Variants in FBXO34 observed in about 807,000 individuals in gnomAD.
The protein encoded by FBXO34 is F-box protein 34, also known as F-box only protein 34.
FBXO34 carries 12 observed loss-of-function variants against 24.5 expected under a neutral mutation model. The observed-to-expected ratio is 0.49, with a 90% CI of 0.31 to 0.79. The LOEUF (loss-of-function observed/expected upper bound fraction) is 0.79. Ranked by LOEUF, FBXO34 falls within the 30% of genes least tolerant of loss-of-function variation. The pLI is 0.04. For synonymous variants in FBXO34, 320 were observed against 311.9 expected, an observed-to-expected ratio of 1.03 and a Z score of -0.27; for missense variants, 823 against 857.7, an observed-to-expected ratio of 0.96 and a Z score of 0.51.
At chr14:55,381,741 G>A in the FBXO34 span, among the ~76,000 whole-genome samples, 1 of 152,148 alleles carries the variant, frequency 6.6e-6, no homozygotes, top group Non-Finnish European at 1.5e-5. Flanking sequence ...GCCAGGAGCT[G>A]AGGGGAAGGG....
the FBXO34 span, chr14:55,413,725 G>A: frequency 3.4e-6 from 1 of 297,696 alleles, no homozygotes; most frequent in African/African-American, 2.2e-5. Flanking sequence ...AACTTACTTG[G>A]CTCTTAGAGT....
At chr14:55,393,638 T>C in the FBXO34 span, among the ~76,000 whole-genome samples, 1 of 151,740 alleles carries the variant, frequency 6.6e-6, no homozygotes, top group Non-Finnish European at 1.5e-5. Flanking sequence ...CTGACCTCCC[T>C]GGCTCAAGTG....
the FBXO34 span, among the ~76,000 whole-genome samples, chr14:55,422,309 G>A: frequency 4.6e-5 from 7 of 152,064 alleles, no homozygotes; most frequent in East Asian, 3.9e-4. Context: ...TAGACTACGC[G>A]ATCTCAGCTC....
the FBXO34 span, among the ~76,000 whole-genome samples, chr14:55,392,282 G>A: frequency 2.0e-5 from 3 of 152,146 alleles, no homozygotes; most frequent in Non-Finnish European, 4.4e-5. Flanking sequence ...TTCCTAACAG[G>A]CCACAGCCCA....
At chr14:55,305,643 G>A (rs1016915214) in intron 1 of FBXO34, among the ~76,000 whole-genome samples, 4 of 148,734 alleles carry the variant, frequency 2.7e-5, no homozygotes, top group Non-Finnish European at 5.9e-5. Flanking sequence ...GTAGTGAGCC[G>A]AGATCGTGCC....
intron 1 of FBXO34, among the ~76,000 whole-genome samples, chr14:55,291,268 C>CA (rs1881937050): frequency 6.6e-6 from 1 of 152,160 alleles, no homozygotes; most frequent in South Asian, 2.1e-4. Flanking sequence ...AAAAAAATGA[C>CA]AGAGGGTAGC....
downstream of FBXO34, among the ~76,000 whole-genome samples, chr14:55,358,294 T>G (rs929298800): frequency 6.6e-6 from 1 of 152,218 alleles, no homozygotes; most frequent in African/African-American, 2.4e-5. Flanking sequence ...CTGTGCTCCA[T>G]GCAGGGTCTT....
chr14:55,426,267 CAAAA>C, the FBXO34 span, among the ~76,000 whole-genome samples: 1 of 128,340 alleles, frequency 7.8e-6, no homozygotes, highest in African/African-American at 2.7e-5. Context: ...AACTCCATCT[CAAAA>C]AAAAAAAATA....
chr14:55,428,319 C>A, the FBXO34 span, among the ~76,000 whole-genome samples: 1 of 151,770 alleles, frequency 6.6e-6, no homozygotes, highest in African/African-American at 2.4e-5. Context: ...TTAGTAGAGA[C>A]AGGGTTTCAC....
intron 1 of FBXO34, chr14:55,298,514 A>T: frequency 1.7e-6 from 1 of 605,892 alleles, no homozygotes. Context: ...TACCAGTTTT[A>T]TCCTACCCCT....
the FBXO34 span, among the ~76,000 whole-genome samples, chr14:55,427,654 G>A: frequency 6.6e-6 from 1 of 152,118 alleles, no homozygotes; most frequent in Non-Finnish European, 1.5e-5. Flanking sequence ...TGGTGTCCAT[G>A]AGTCACCCTC....
chr14:55,302,453 G>GTTTTTTTTTTTTT (rs796083398), intron 1 of FBXO34, among the ~76,000 whole-genome samples: 1 of 133,462 alleles, frequency 7.5e-6, no homozygotes, highest in Non-Finnish European at 1.6e-5. Context: ...CCTCTTTTTT[G>GTTTTTTTTTTTTT]TTTTTTTTTT....
downstream of FBXO34, among the ~76,000 whole-genome samples, chr14:55,356,348 A>G (rs1225120423): frequency 6.6e-6 from 1 of 152,158 alleles, no homozygotes; most frequent in Non-Finnish European, 1.5e-5. Flanking sequence ...GACTAAACCA[A>G]TGAGAGCTGA....
At chr14:55,388,175 A>C in the FBXO34 span, among the ~76,000 whole-genome samples, 2 of 152,188 alleles carry the variant, frequency 1.3e-5, no homozygotes, top group African/African-American at 4.8e-5. Flanking sequence ...CATCCTGCTT[A>C]ATGTGAATGT....
Position 55,351,991 on chromosome 14 carries a change from C to G in FBXO34, c.1601C>G (p.Pro534Arg). The change falls in exon 2 of 2, where the codon CCA becomes CGA. Residue 534 changes from proline (P) to arginine (R), a missense_variant. Coordinates refer to ENST00000313833, the MANE Select transcript of FBXO34 (RefSeq NM_017943.4). ...GGGTCTGCTGAGCCATTTGTACTGC[C>G]AGCCTCTTCTGTGGAAAGTACATTA... Reference protein sequence around the residue: ...KSGSAEPFVLPASSVESTLPV... With the variant: ...KSGSAEPFVLRASSVESTLPV... 6.2e-7 allele frequency: 1 copy of G among 1,614,178 alleles called. No homozygotes were observed. The highest frequency in any genetic ancestry group is 1.1e-5 in the South Asian group (1 of 91,078).
the FBXO34 span, among the ~76,000 whole-genome samples, chr14:55,389,142 GGTTGTTTT>G: frequency 1.3e-5 from 2 of 152,156 alleles, no homozygotes; most frequent in African/African-American, 4.8e-5. Context: ...TCTTTGTGGT[GGTTGTTTT>G]TGTTTTTGGG....
chr14:55,415,110 C>A, the FBXO34 span, among the ~76,000 whole-genome samples: 1 of 152,180 alleles, frequency 6.6e-6, no homozygotes, highest in Non-Finnish European at 1.5e-5. Flanking sequence ...CAACCAAACA[C>A]CACCATTACC....
chr14:55,406,931 T>C, the FBXO34 span, among the ~76,000 whole-genome samples: 13 of 152,050 alleles, frequency 8.5e-5, no homozygotes, highest in Non-Finnish European at 1.5e-4. Context: ...GAAAATCTAA[T>C]GCTCACATTT....
chr14:55,420,882 AC>A, the FBXO34 span, among the ~76,000 whole-genome samples: 25 of 151,922 alleles, frequency 1.6e-4, no homozygotes, highest in Non-Finnish European at 3.4e-4. Flanking sequence ...ACACGGTGAA[AC>A]CCCGTCTCTA....
Sources: gnomAD v4.1 joint callset for allele counts (sites outside exome capture counted in the v4.1 genomes callset) on GRCh38, gnomAD v4.1.1 for gene constraint, MANE v1.5 for transcripts, NCBI Gene and HGNC (gene_info 2026-07-23, HGNC 2026-07-21) for gene names.